Variants in GRIP1 observed in about 807,000 individuals in gnomAD.
GRIP1 encodes glutamate receptor-interacting protein 1.
In GRIP1, 45 loss-of-function variants were observed where a neutral mutation model predicts 129.9. That is an observed-to-expected ratio of 0.35 (90% CI 0.27 to 0.44). The LOEUF is 0.44. Among genes scored for constraint, GRIP1 ranks in the 20% least tolerant of loss-of-function variants. GRIP1 has a pLI of 1.00. For synonymous variants in GRIP1, 530 were observed against 520.8 expected, an observed-to-expected ratio of 1.02 and a Z score of -0.24; for missense variants, 1,196 against 1,396.8, an observed-to-expected ratio of 0.86 and a Z score of 2.29.
chr12:66,613,205 T>A (rs1373814590), intron 1 of GRIP1, among the ~76,000 whole-genome samples: 1 of 152,156 alleles, frequency 6.6e-6, no homozygotes. Flanking sequence ...CACGAGGATA[T>A]CATTTATTAA....
At chr12:66,600,548 A>C (rs752148955) in intron 1 of GRIP1, among the ~76,000 whole-genome samples, 6 of 152,150 alleles carry the variant, frequency 3.9e-5, no homozygotes, top group Admixed American at 6.6e-5. Context: ...ATTCCCTCCT[A>C]CTTCTGCTTT....
At chr12:66,609,023 C>T (rs1432725827) in intron 1 of GRIP1, among the ~76,000 whole-genome samples, 2 of 151,258 alleles carry the variant, frequency 1.3e-5, no homozygotes, top group Non-Finnish European at 2.9e-5. Flanking sequence ...CTGCTTATTG[C>T]TATGCTGTGA....
At chr12:66,855,014 T>C (rs2039979066) in intron 1 of GRIP1, among the ~76,000 whole-genome samples, 1 of 152,060 alleles carries the variant, frequency 6.6e-6, no homozygotes, top group Admixed American at 6.6e-5. Flanking sequence ...TTCATGCTAT[T>C]CTTCCTTTTC....
chr12:66,765,078 C>T (rs1210191937), intron 1 of GRIP1, among the ~76,000 whole-genome samples: 1 of 152,108 alleles, frequency 6.6e-6, no homozygotes, highest in East Asian at 1.9e-4. Context: ...CAACAGAGTG[C>T]AGAACTGAAA....
upstream of GRIP1, among the ~76,000 whole-genome samples, chr12:66,683,759 G>A (rs2034675226): frequency 6.6e-6 from 1 of 152,186 alleles, no homozygotes; most frequent in African/African-American, 2.4e-5. Flanking sequence ...AAGCTCCTGT[G>A]AAGGTAACAA....
At chr12:66,682,987 C>T (rs2034642823), upstream of GRIP1, among the ~76,000 whole-genome samples, 2 of 152,076 alleles carry the variant, frequency 1.3e-5, no homozygotes, top group South Asian at 4.1e-4. Flanking sequence ...ACATGCTTAG[C>T]TCACTATTTA....
chr12:66,457,747 T>C (rs2059009771), intron 9 of GRIP1, among the ~76,000 whole-genome samples: 1 of 151,978 alleles, frequency 6.6e-6, no homozygotes, highest in Non-Finnish European at 1.5e-5. Context: ...AAACAGGACA[T>C]GAAAAAAAAA....
At chr12:66,694,208 C>G (rs1356820797) in intron 1 of GRIP1, among the ~76,000 whole-genome samples, 3 of 152,140 alleles carry the variant, frequency 2.0e-5, no homozygotes, top group African/African-American at 7.2e-5. Context: ...CAGTTTCCAG[C>G]ATGATTTGAG....
At chr12:66,360,192 TC>T (rs148453032) in intron 23 of GRIP1, among the ~76,000 whole-genome samples, 64,922 of 149,444 alleles carry the variant, frequency 0.43, 14,131 homozygotes, top group East Asian at 0.52. Flanking sequence ...TTTTTTTTTT[TC>T]GACATGTAAT....
chr12:66,812,101 C>T (rs1373030491), intron 1 of GRIP1, among the ~76,000 whole-genome samples: 1 of 152,064 alleles, frequency 6.6e-6, no homozygotes, highest in Admixed American at 6.5e-5. Flanking sequence ...TTTGAGTTAT[C>T]CAGCATTTCT....
intron 1 of GRIP1, among the ~76,000 whole-genome samples, chr12:66,731,849 A>G (rs1035443065): frequency 4.6e-5 from 7 of 152,232 alleles, no homozygotes; most frequent in Non-Finnish European, 7.3e-5. Flanking sequence ...TGGCAGGCTA[A>G]CAATAGAGGC....
intron 1 of GRIP1, among the ~76,000 whole-genome samples, chr12:66,795,774 C>T (rs1228950453): frequency 2.0e-5 from 3 of 152,116 alleles, no homozygotes; most frequent in Admixed American, 6.6e-5. Flanking sequence ...CAACTTTGTG[C>T]ACTTTCTGGA....
At chr12:67,064,346 T>A (rs1421651932) in intron 1 of GRIP1, among the ~76,000 whole-genome samples, 2 of 152,204 alleles carry the variant, frequency 1.3e-5, no homozygotes, top group Non-Finnish European at 2.9e-5. Context: ...CCTCAGGAAG[T>A]GTAACTTGAC....
intron 1 of GRIP1, among the ~76,000 whole-genome samples, chr12:66,941,780 C>T (rs75135089): frequency 0.031 from 4,723 of 152,258 alleles, 156 homozygotes; most frequent in African/African-American, 0.077. Context: ...CAGCCAGTAA[C>T]GTAATCATGA....
intron 1 of GRIP1, among the ~76,000 whole-genome samples, chr12:66,714,849 C>T (rs531439248): frequency 2.0e-5 from 3 of 151,174 alleles, no homozygotes; most frequent in South Asian, 2.1e-4. Context: ...ATCCAATCCA[C>T]CCCCCTACCA....
intron 19 of GRIP1, among the ~76,000 whole-genome samples, chr12:66,386,885 T>C (rs1036850687): frequency 3.9e-5 from 6 of 152,198 alleles, no homozygotes; most frequent in African/African-American, 1.4e-4. Flanking sequence ...GAGGCTGTGA[T>C]CTAAATGTCA....
intron 23 of GRIP1, among the ~76,000 whole-genome samples, chr12:66,368,028 A>G (rs2055251211): frequency 6.6e-6 from 1 of 152,234 alleles, no homozygotes; most frequent in Non-Finnish European, 1.5e-5. Flanking sequence ...CCTCAGATGC[A>G]GCAGATGATG....
At chr12:66,487,943 T>C (rs116231481) in intron 7 of GRIP1, among the ~76,000 whole-genome samples, 5,926 of 152,256 alleles carry the variant, frequency 0.039, 279 homozygotes, top group East Asian at 0.12. Context: ...CTTAAATATA[T>C]ACGCACCTAA....
At chr12:66,937,757 CA>C (rs764972552) in intron 1 of GRIP1, among the ~76,000 whole-genome samples, 1 of 151,918 alleles carries the variant, frequency 6.6e-6, no homozygotes, top group Non-Finnish European at 1.5e-5. Flanking sequence ...TTAGAGTTTC[CA>C]AAGATGATAG....
Sources: gnomAD v4.1 joint callset for allele counts (sites outside exome capture counted in the v4.1 genomes callset) on GRCh38, gnomAD v4.1.1 for gene constraint, MANE v1.5 for transcripts, NCBI Gene and HGNC (gene_info 2026-07-23, HGNC 2026-07-21) for gene names.